Variants in SLC30A9 observed in about 807,000 individuals in gnomAD.
The protein encoded by SLC30A9 is solute carrier family 30 member 9.
A neutral mutation model predicts 87.5 loss-of-function variants in SLC30A9; 58 were observed. The ratio of observed to expected loss-of-function variants is 0.66; its 90% confidence interval spans 0.54 to 0.82. SLC30A9 has a LOEUF of 0.82. Ranked by LOEUF, SLC30A9 falls within the 40% of genes least tolerant of loss-of-function variation. The pLI is 0.00. For synonymous variants in SLC30A9, 234 were observed against 233.0 expected (o/e 1.00, Z -0.04); for missense variants, 557 against 679.1 (o/e 0.82, Z 2.00).
chr4:42,042,298 A>G (rs1716954309), intron 8 of SLC30A9, among the ~76,000 whole-genome samples: 1 of 152,180 alleles, frequency 6.6e-6, no homozygotes, highest in African/African-American at 2.4e-5. Flanking sequence ...CCAGAAAGCT[A>G]AGATCCACTG....
Position 42,088,835 on chromosome 4 carries a change from T to A in SLC30A9, c.*2709T>A, listed in dbSNP as rs1719011533. On this transcript the variant is annotated 3_prime_UTR_variant, in exon 18 of 18. Coordinates refer to ENST00000264451, the MANE Select transcript of SLC30A9 (RefSeq NM_006345.4). The stretch of plus-strand genomic sequence containing the variant: ...ATCAGCATCTGTAGTCACAGCTACT[T>A]GGGAGGCCGAGGTGGGAGGATCACT... The A allele has an allele frequency of 6.6e-6, 1 of 152,184 alleles. No homozygotes were observed. Among genetic ancestry groups the A allele is most frequent in the Non-Finnish European group, 1.5e-5 (1 of 68,076 alleles). The allele number at this position is 152,184 out of a possible 1,614,324, so 9.4% of individuals were successfully genotyped here. A position where few individuals can be genotyped will look rare whatever the true frequency, so the allele number is the denominator to read the frequency against.
chr4:42,080,676 C>G (rs1047323771), intron 17 of SLC30A9, among the ~76,000 whole-genome samples: 3 of 152,156 alleles, frequency 2.0e-5, no homozygotes, highest in African/African-American at 4.8e-5. Context: ...GTTAATGCCC[C>G]CAGATAAACA....
intron 8 of SLC30A9, among the ~76,000 whole-genome samples, chr4:42,039,781 C>T (rs1716845411): frequency 6.6e-6 from 1 of 152,014 alleles, no homozygotes; most frequent in Admixed American, 6.6e-5. Flanking sequence ...CTTTTTCCCT[C>T]TATCTTCTTG....
Position 41,992,314 on chromosome 4 carries a change from C to A in SLC30A9, c.109+1554C>A, listed in dbSNP as rs555967140. Among the ~76,000 whole-genome samples, 24 of 150,770 alleles carry A rather than the reference C, an allele frequency of 1.6e-4. 1 individual carries two copies. Among genetic ancestry groups the A allele is most frequent in the African/African-American group, 5.1e-4 (21 of 40,990 alleles). ...CTTGAGCATGCCAGTGCACTCCAGCCTGGGTGACAGAGTGAGACCTGTCTC... is the reference window on the plus strand; with the variant it reads ...CTTGAGCATGCCAGTGCACTCCAGCATGGGTGACAGAGTGAGACCTGTCTC... On this transcript the variant is annotated intron_variant, in intron 1 of 17. Transcript: ENST00000264451.
Position 42,087,035 on chromosome 4 carries a change from C to T in SLC30A9, c.*909C>T, listed in dbSNP as rs1490192287. The T allele has an allele frequency of 6.6e-6, 1 of 152,078 alleles. No individual in the cohort carries two copies. The highest frequency in any genetic ancestry group is 1.5e-5 in the Non-Finnish European group (1 of 68,020). The allele number at this position is 152,078 out of a possible 1,614,324, so 9.4% of individuals were successfully genotyped here. ...CATTTGACTTTTATTTAAAAGGCGG[C>T]ACTACTTATGTAAATCTGAGCTGTG... On this transcript the variant is annotated 3_prime_UTR_variant, in exon 18 of 18. Coordinates refer to ENST00000264451, the MANE Select transcript of SLC30A9 (RefSeq NM_006345.4).
chr4:42,028,339 TC>T (rs1198176671), intron 6 of SLC30A9, among the ~76,000 whole-genome samples: 3 of 152,212 alleles, frequency 2.0e-5, no homozygotes, highest in Non-Finnish European at 2.9e-5. Flanking sequence ...CAGGATGGTC[TC>T]CATCTCCTGA....
chr4:42,055,417 C>T (rs905241353), intron 9 of SLC30A9, among the ~76,000 whole-genome samples: 1 of 152,018 alleles, frequency 6.6e-6, no homozygotes. Context: ...GACAGAGTCT[C>T]GCTGTCTTGC....
intron 1 of SLC30A9, among the ~76,000 whole-genome samples, chr4:41,995,609 C>T (rs1398902068): frequency 6.6e-6 from 1 of 152,092 alleles, no homozygotes; most frequent in African/African-American, 2.4e-5. Flanking sequence ...AATGACTGAG[C>T]CTAGGCATGA....
intron 2 of SLC30A9, among the ~76,000 whole-genome samples, chr4:42,013,616 C>T (rs1715546980): frequency 6.6e-6 from 1 of 152,176 alleles, no homozygotes; most frequent in African/African-American, 2.4e-5. Context: ...TCATTTTCAA[C>T]AGATGTGCCA....
At chr4:42,029,779 A>G (rs1716345434) in intron 6 of SLC30A9, 2 of 732,848 alleles carry the variant, frequency 2.7e-6, no homozygotes, top group African/African-American at 1.7e-5. Flanking sequence ...TTCAAACCTA[A>G]GTCTCCCGAG....
At chr4:42,043,300 C>A (rs979991407) in intron 8 of SLC30A9, among the ~76,000 whole-genome samples, 25 of 151,966 alleles carry the variant, frequency 1.6e-4, no homozygotes, top group African/African-American at 6.0e-4. Context: ...TCCAACCCAA[C>A]GCAAGAAAGC....
chr4:42,057,708 T>C (rs1194996462), intron 9 of SLC30A9, among the ~76,000 whole-genome samples: 3 of 152,244 alleles, frequency 2.0e-5, no homozygotes, highest in Non-Finnish European at 4.4e-5. Flanking sequence ...TGCAAATTTC[T>C]GCAGCTGGCT....
intron 2 of SLC30A9, among the ~76,000 whole-genome samples, chr4:42,015,642 G>A (rs1270121073): frequency 1.3e-5 from 2 of 151,982 alleles, no homozygotes; most frequent in Non-Finnish European, 2.9e-5. Context: ...TATTTTCTTC[G>A]TGGTTATTGC....
intron 10 of SLC30A9, among the ~76,000 whole-genome samples, chr4:42,061,293 A>T (rs1717846276): frequency 6.6e-6 from 1 of 152,242 alleles, no homozygotes; most frequent in Non-Finnish European, 1.5e-5. Context: ...ACTAGATTTT[A>T]AACTATATTT....
Position 42,087,348 on chromosome 4 carries a change from A to T in SLC30A9, c.*1222A>T, listed in dbSNP as rs919959440. Reference sequence around the variant, plus strand: ...TTAAAATGTTCAGGTAGCAGTGAGCATTGTTCATATGAGAATGGCGGCTGG... The same window carrying T: ...TTAAAATGTTCAGGTAGCAGTGAGCTTTGTTCATATGAGAATGGCGGCTGG... On this transcript the variant is annotated 3_prime_UTR_variant, in exon 18 of 18. Coordinates refer to ENST00000264451, the MANE Select transcript of SLC30A9 (RefSeq NM_006345.4). 6.6e-6 allele frequency: 1 copy of T among 152,214 alleles called. No individual in the cohort carries two copies. The highest frequency in any genetic ancestry group is 2.4e-5 in the African/African-American group (1 of 41,460). 9.4% of individuals were successfully genotyped at this position (152,214 alleles called of 1,614,324 possible).
At chr4:42,013,733 A>G (rs1027939927) in intron 2 of SLC30A9, among the ~76,000 whole-genome samples, 12 of 152,220 alleles carry the variant, frequency 7.9e-5, no homozygotes, top group African/African-American at 2.4e-4. Flanking sequence ...CGCCATTTAC[A>G]AAAATCAAAT....
chr4:42,003,534 A>G (rs1020897366), intron 2 of SLC30A9, among the ~76,000 whole-genome samples: 1 of 152,078 alleles, frequency 6.6e-6, no homozygotes, highest in Non-Finnish European at 1.5e-5. Context: ...TATTCCCTCT[A>G]TCATTGTGCA....
At chr4:42,013,419 G>A (rs1253109259) in intron 2 of SLC30A9, among the ~76,000 whole-genome samples, 2 of 152,018 alleles carry the variant, frequency 1.3e-5, no homozygotes, top group Non-Finnish European at 2.9e-5. Flanking sequence ...TGGGCAACAA[G>A]AAAAAAACTG....
At chr4:42,039,140 G>C in intron 8 of SLC30A9, 87 bp downstream of exon 8, 3 of 977,622 alleles carry the variant, frequency 3.1e-6, no homozygotes, top group Non-Finnish European at 4.8e-6. Flanking sequence ...TTACATGGTA[G>C]CTAGCTATAG....
Sources: gnomAD v4.1 joint callset for allele counts (sites outside exome capture counted in the v4.1 genomes callset) on GRCh38, gnomAD v4.1.1 for gene constraint, MANE v1.5 for transcripts, NCBI Gene and HGNC (gene_info 2026-07-23, HGNC 2026-07-21) for gene names.